Variants in ADGRL2 observed in about 807,000 individuals in gnomAD.
The protein encoded by ADGRL2 is adhesion G protein-coupled receptor L2.
A neutral mutation model predicts 157.4 loss-of-function variants in ADGRL2; 44 were observed. That is an observed-to-expected ratio of 0.28 (90% CI 0.22 to 0.36). ADGRL2 has a LOEUF of 0.36. ADGRL2 is among the 10% of genes least tolerant of loss of function. The pLI is 1.00. For missense variants in ADGRL2, 1,510 were observed against 1,768.9 expected, an observed-to-expected ratio of 0.85 and a Z score of 2.63; for synonymous variants, 585 against 624.7, an observed-to-expected ratio of 0.94 and a Z score of 0.95.
rs2081221533 is a variant in ADGRL2 at position 81,595,866 on chromosome 1, C to T, written c.-143+14886C>T. Reference sequence around the variant, plus strand: ...CAACAGAAATTTATATCTAACAGTTCTGGAAGCTGAGAAGTCCAAGAGCAA... The same window carrying T: ...CAACAGAAATTTATATCTAACAGTTTTGGAAGCTGAGAAGTCCAAGAGCAA... On this transcript the variant is annotated intron_variant, in intron 3 of 24. Coordinates refer to the ADGRL2 transcript ENST00000370721. Among the ~76,000 whole-genome samples, 3 of 152,146 alleles carry T rather than the reference C, an allele frequency of 2.0e-5. 1 individual carries two copies. The South Asian group carries it at 6.2e-4, about 31-fold the overall frequency.
chr1:81,521,808 T>A (rs767744766), intron 2 of ADGRL2, among the ~76,000 whole-genome samples: 7 of 152,286 alleles, frequency 4.6e-5, no homozygotes, highest in Non-Finnish European at 1.0e-4. Context: ...ATTCTTCTTT[T>A]CTTTTGGTTG....
At chr1:81,658,179 T>A (rs2082575828) in intron 3 of ADGRL2, among the ~76,000 whole-genome samples, 1 of 152,228 alleles carries the variant, frequency 6.6e-6, no homozygotes, top group Admixed American at 6.5e-5. Context: ...CACTGCAACC[T>A]CTGCCTCCCA....
intron 3 of ADGRL2, among the ~76,000 whole-genome samples, chr1:81,922,915 A>G (rs1199706212): frequency 1.3e-5 from 2 of 151,936 alleles, no homozygotes; most frequent in African/African-American, 4.8e-5. Context: ...CCTTCTTCCT[A>G]TTTACCTGTG....
intron 3 of ADGRL2, among the ~76,000 whole-genome samples, chr1:81,912,515 G>A (rs754093310): frequency 4.6e-5 from 7 of 152,138 alleles, no homozygotes; most frequent in Non-Finnish European, 1.0e-4. Flanking sequence ...CACTTAAAGA[G>A]TAGTCAACAA....
At chr1:81,358,139 A>T (rs957271982) in intron 1 of ADGRL2, among the ~76,000 whole-genome samples, 1 of 152,208 alleles carries the variant, frequency 6.6e-6, no homozygotes, top group African/African-American at 2.4e-5. Context: ...CCTTGTCAAC[A>T]TAATTTGTTT....
intron 6 of ADGRL2, among the ~76,000 whole-genome samples, chr1:81,946,717 C>T (rs921062907): frequency 1.3e-5 from 2 of 151,932 alleles, no homozygotes; most frequent in Non-Finnish European, 2.9e-5. Context: ...TTCATACTTC[C>T]GGAAATACCT....
At chr1:81,724,562 AG>A (rs2149142031) in intron 1 of ADGRL2, among the ~76,000 whole-genome samples, 1 of 152,286 alleles carries the variant, frequency 6.6e-6, no homozygotes, top group African/African-American at 2.4e-5. Flanking sequence ...CCAATGATAA[AG>A]AAAATGATAA....
intron 2 of ADGRL2, among the ~76,000 whole-genome samples, chr1:81,857,250 CATA>C (rs1170458104): frequency 6.6e-6 from 1 of 152,112 alleles, no homozygotes; most frequent in African/African-American, 2.4e-5. Context: ...TTTCAATTTG[CATA>C]ATAATGGAAA....
chr1:81,826,167 C>CTAAAT (rs1376277569), intron 1 of ADGRL2, among the ~76,000 whole-genome samples: 33 of 152,150 alleles, frequency 2.2e-4, no homozygotes, highest in Admixed American at 5.9e-4. Flanking sequence ...TCCATGCATA[C>CTAAAT]ATGCACATAT....
chr1:81,966,962 ACT>A (rs1657238059), intron 13 of ADGRL2, among the ~76,000 whole-genome samples: 1 of 152,092 alleles, frequency 6.6e-6, no homozygotes, highest in African/African-American at 2.4e-5. Context: ...AACTCTTAGG[ACT>A]CTGCCTTTCT....
intron 1 of ADGRL2, among the ~76,000 whole-genome samples, chr1:81,309,513 T>C (rs1323092092): frequency 6.6e-6 from 1 of 152,114 alleles, no homozygotes; most frequent in Non-Finnish European, 1.5e-5. Flanking sequence ...TGATGACTAG[T>C]AGTAGGGACA....
At chr1:81,467,509 C>A (rs903841549) in intron 2 of ADGRL2, among the ~76,000 whole-genome samples, 1 of 152,186 alleles carries the variant, frequency 6.6e-6, no homozygotes, top group Non-Finnish European at 1.5e-5. Flanking sequence ...ATATAAGTTA[C>A]CTTAGCCGGT....
chr1:81,505,889 C>T (rs1030391387), intron 2 of ADGRL2: 24 of 327,152 alleles, frequency 7.3e-5, no homozygotes, highest in African/African-American at 5.1e-4. Flanking sequence ...ACACAATTTT[C>T]ATTAAAATCA....
intron 2 of ADGRL2, among the ~76,000 whole-genome samples, chr1:81,773,795 G>A (rs763021122): frequency 2.0e-5 from 3 of 152,070 alleles, no homozygotes; most frequent in Middle Eastern, 3.2e-3. Flanking sequence ...GAATTGTGTC[G>A]TCTCAAATTC....
intron 3 of ADGRL2, among the ~76,000 whole-genome samples, chr1:81,589,692 A>G (rs2081095128): frequency 6.6e-6 from 1 of 152,034 alleles, no homozygotes; most frequent in Non-Finnish European, 1.5e-5. Context: ...TGAAAGTAGT[A>G]TTTATTTATT....
In ADGRL2 at chr1:81,602,049, C is replaced by G. The variant is rs537892148; in HGVS notation, c.-143+21069C>G. 2.6e-5 allele frequency among the ~76,000 whole-genome samples: 4 copies of G among 152,248 alleles called. No homozygotes were observed. In the South Asian group the frequency reaches 8.3e-4, roughly 32 times the overall value. The stretch of plus-strand genomic sequence containing the variant: ...AATTCCAATCTACAAGCTGCAAACA[C>G]AAATGAAGACCTGCCCCTTCCTGAG... On this transcript the variant is annotated intron_variant, in intron 3 of 24. Transcript: ENST00000370721.
intron 3 of ADGRL2, among the ~76,000 whole-genome samples, chr1:81,642,616 G>T (rs2082243017): frequency 6.6e-6 from 1 of 152,022 alleles, no homozygotes. Context: ...TTTAAGGAAA[G>T]ATATTATAAG....
intron 1 of ADGRL2, among the ~76,000 whole-genome samples, chr1:81,810,188 C>T (rs1213780875): frequency 1.3e-5 from 2 of 151,914 alleles, no homozygotes; most frequent in Non-Finnish European, 2.9e-5. Flanking sequence ...TTATTCTTAA[C>T]ATTGTAAGTA....
upstream of ADGRL2, among the ~76,000 whole-genome samples, chr1:81,797,347 T>A (rs2087639235): frequency 6.6e-6 from 1 of 152,178 alleles, no homozygotes; most frequent in African/African-American, 2.4e-5. Context: ...TCACAAACTC[T>A]AATCACAGGC....
Sources: allele counts gnomAD v4.1 joint callset (sites outside exome capture counted in the v4.1 genomes callset), GRCh38; gene constraint gnomAD v4.1.1; transcripts MANE v1.5; gene names NCBI Gene and HGNC (gene_info 2026-07-23, HGNC 2026-07-21).